Variants in OLFM3 observed in about 807,000 individuals in gnomAD.
The protein encoded by OLFM3 is olfactomedin 3.
In OLFM3, 20 loss-of-function variants were observed where a neutral mutation model predicts 48.6. The observed-to-expected ratio is 0.41, with a 90% CI of 0.29 to 0.60. The LOEUF is 0.60. Ranked by LOEUF, OLFM3 falls within the 20% of genes least tolerant of loss-of-function variation. The pLI is 0.28. For synonymous variants in OLFM3, 222 were observed against 198.1 expected (o/e 1.12, Z -1.01); for missense variants, 437 against 544.3 (o/e 0.80, Z 1.96).
At chr1:101,956,288 G>C (rs2101077471) in intron 1 of OLFM3, among the ~76,000 whole-genome samples, 1 of 151,480 alleles carries the variant, frequency 6.6e-6, no homozygotes, top group African/African-American at 2.4e-5. Flanking sequence ...GCCACATAAA[G>C]GCCTTTATAA....
rs114944022 is a variant in OLFM3 at position 101,866,910 on chromosome 1, T to G, written c.70-29885A>C. Among the ~76,000 whole-genome samples the G allele has an allele frequency of 9.6e-3, 1,467 of 152,294 alleles. 14 individuals are homozygous for G. Among genetic ancestry groups the G allele is most frequent in the Non-Finnish European group, 0.016 (1,072 of 68,014 alleles). ...TGTGCCTGAGAGAAGAGCAGAAATA[T>G]TATATTTTAATGGAGTCAGAGGATA... On this transcript the variant is annotated intron_variant, in intron 1 of 5. Transcript: ENST00000370103.
chr1:101,899,354 C>G (rs865997088), intron 1 of OLFM3, among the ~76,000 whole-genome samples: 2 of 152,056 alleles, frequency 1.3e-5, no homozygotes, highest in Admixed American at 1.3e-4. Flanking sequence ...TCCCTCCTGG[C>G]AAACAAAAGG....
chr1:101,986,434 G>A (rs957448671), intron 1 of OLFM3, among the ~76,000 whole-genome samples: 1 of 152,104 alleles, frequency 6.6e-6, no homozygotes, highest in Admixed American at 6.5e-5. Flanking sequence ...GCAGTTGTAA[G>A]TTCCCTGCTT....
At chr1:101,991,014 AAAATAT>A (rs1661387869) in intron 1 of OLFM3, among the ~76,000 whole-genome samples, 1 of 67,150 alleles carries the variant, frequency 1.5e-5, no homozygotes. Flanking sequence ...AAAAAAAAAA[AAAATAT>A]ATATATATAT....
chr1:101,816,372 G>T (rs1021193208), intron 4 of OLFM3, among the ~76,000 whole-genome samples: 1 of 152,176 alleles, frequency 6.6e-6, no homozygotes, highest in Non-Finnish European at 1.5e-5. Flanking sequence ...GCAATACGCT[G>T]ATGTTGTGAA....
At chr1:101,874,606 C>A (rs577122750) in intron 1 of OLFM3, among the ~76,000 whole-genome samples, 2 of 151,920 alleles carry the variant, frequency 1.3e-5, no homozygotes, top group South Asian at 4.1e-4. Flanking sequence ...ATTACAGATA[C>A]TGAGGCAAGT....
chr1:101,986,425 C>G lies in OLFM3; in HGVS notation c.69+10323G>C, dbSNP rs12032593. On this transcript the variant is annotated intron_variant, in intron 1 of 5. Coordinates refer to ENST00000370103, the MANE Select transcript of OLFM3 (RefSeq NM_058170.4). ...GCCATACAACTAGATAATTACAGAG[C>G]AGTTGTAAGTTCCCTGCTTTTCTAA... 3.3e-5 allele frequency among the ~76,000 whole-genome samples: 5 copies of G among 152,216 alleles called. No individual in the cohort carries two copies. The East Asian group carries it at 5.8e-4, about 18-fold the overall frequency.
intron 1 of OLFM3, among the ~76,000 whole-genome samples, chr1:101,912,586 AG>A (rs1374213895): frequency 3.3e-5 from 5 of 152,240 alleles, no homozygotes; most frequent in Non-Finnish European, 7.3e-5. Flanking sequence ...AGAAATGCTA[AG>A]GGGATATAAG....
At position 101,915,218 on chromosome 1, in the gene OLFM3, T is replaced by C. The variant is rs17125730; in HGVS notation, c.70-78193A>G. Among the ~76,000 whole-genome samples, 514 of 152,296 alleles carry C rather than the reference T, an allele frequency of 3.4e-3. 4 individuals are homozygous for C. Among genetic ancestry groups the C allele is most frequent in the African/African-American group, 0.012 (490 of 41,562 alleles). On this transcript the variant is annotated intron_variant, in intron 1 of 5. Coordinates refer to ENST00000370103, the MANE Select transcript of OLFM3 (RefSeq NM_058170.4). ...AATTTCATGTATAATTGGGCCATTATGCTCTTAAGATACAGAAAATACCTG... is the reference window on the plus strand; with the variant it reads ...AATTTCATGTATAATTGGGCCATTACGCTCTTAAGATACAGAAAATACCTG...
chr1:101,942,663 A>G (rs1659830727), intron 1 of OLFM3, among the ~76,000 whole-genome samples: 1 of 152,184 alleles, frequency 6.6e-6, no homozygotes, highest in South Asian at 2.1e-4. Flanking sequence ...CCTAATTGGT[A>G]GCCATGAGGT....
intron 1 of OLFM3, among the ~76,000 whole-genome samples, chr1:101,861,600 T>A (rs1656659404): frequency 6.6e-6 from 1 of 152,210 alleles, no homozygotes; most frequent in African/African-American, 2.4e-5. Context: ...AAGGTCACGA[T>A]AATGGAATTC....
chr1:101,948,546 A>G (rs1570656842), intron 1 of OLFM3, among the ~76,000 whole-genome samples: 1 of 152,148 alleles, frequency 6.6e-6, no homozygotes, highest in African/African-American at 2.4e-5. Flanking sequence ...TTAGTGCTAA[A>G]TAAATGTTAT....
At chr1:101,878,586 A>C (rs1419194583) in intron 1 of OLFM3, among the ~76,000 whole-genome samples, 1 of 151,838 alleles carries the variant, frequency 6.6e-6, no homozygotes, top group Non-Finnish European at 1.5e-5. Flanking sequence ...TAGGGGTAGA[A>C]ATAATGGAGA....
At chr1:101,936,197 T>C (rs1659610621) in intron 1 of OLFM3, among the ~76,000 whole-genome samples, 1 of 152,160 alleles carries the variant, frequency 6.6e-6, no homozygotes, top group Non-Finnish European at 1.5e-5. Flanking sequence ...TTGCAGATGA[T>C]GATTCTCTAC....
chr1:101,846,506 G>T (rs1655999820), intron 1 of OLFM3, among the ~76,000 whole-genome samples: 1 of 151,816 alleles, frequency 6.6e-6, no homozygotes, highest in Non-Finnish European at 1.5e-5. Context: ...GATTTTTACA[G>T]ATATTAAAAT....
At chr1:101,822,421 G>T (rs779494138) in intron 4 of OLFM3, among the ~76,000 whole-genome samples, 14 of 152,024 alleles carry the variant, frequency 9.2e-5, no homozygotes, top group African/African-American at 2.9e-4. Context: ...AGCAGATGCC[G>T]GCTCACTACA....
chr1:101,804,162 G>GA lies in OLFM3; in HGVS notation c.*75dup, dbSNP rs1570493167. The GA allele has an allele frequency of 1.6e-5, 18 of 1,151,200 alleles. No individual in the cohort carries two copies. Among genetic ancestry groups the GA allele is most frequent in the South Asian group, 3.6e-5 (2 of 56,124 alleles). 71.3% of individuals were successfully genotyped at this position (1,151,200 alleles called of 1,614,324 possible). On this transcript the variant is annotated 3_prime_UTR_variant, in exon 6 of 6. Coordinates refer to ENST00000370103, the MANE Select transcript of OLFM3 (RefSeq NM_058170.4). The surrounding 1 kb of genome is among the most constrained non-coding windows in gnomAD (Gnocchi z 4.5). The stretch of plus-strand genomic sequence containing the variant: ...AGAAATGATGAAAAATAATAGTGAA[G>GA]AAAAAAACGGAAGGGGTCTTATAGA...
chr1:101,940,440 A>G (rs1659754595), intron 1 of OLFM3, among the ~76,000 whole-genome samples: 1 of 141,406 alleles, frequency 7.1e-6, no homozygotes, highest in African/African-American at 2.6e-5. Flanking sequence ...TAAAATTTTT[A>G]TCTATCTATC....
At chr1:101,977,758 T>G (rs972803908) in intron 1 of OLFM3, among the ~76,000 whole-genome samples, 4 of 152,104 alleles carry the variant, frequency 2.6e-5, no homozygotes, top group African/African-American at 9.7e-5. Flanking sequence ...AATATAGCCT[T>G]TTATGTTTAG....
Sources: gnomAD v4.1 joint callset for allele counts (sites outside exome capture counted in the v4.1 genomes callset) on GRCh38, gnomAD v4.1.1 for gene constraint, Gnocchi (gnomAD v3.1) non-coding constraint, MANE v1.5 for transcripts, NCBI Gene and HGNC (gene_info 2026-07-23, HGNC 2026-07-21) for gene names.